Variants in ACAD11 observed in about 807,000 individuals in gnomAD.
ACAD11 encodes acyl-CoA dehydrogenase family member 11.
A neutral mutation model predicts 102.2 loss-of-function variants in ACAD11; 83 were observed. That is an observed-to-expected ratio of 0.81 (90% CI 0.68 to 0.97). The LOEUF is 0.97. Ranked by LOEUF, ACAD11 falls within the 50% of genes least tolerant of loss-of-function variation. The pLI is 0.00. For missense variants in ACAD11, 901 were observed against 951.7 expected (o/e 0.95, Z 0.70); for synonymous variants, 324 against 319.8 (o/e 1.01, Z -0.14).
intron 4 of ACAD11, among the ~76,000 whole-genome samples, chr3:132,641,674 G>GGGGGAA (rs1559973982): frequency 9.7e-5 from 11 of 113,090 alleles, no homozygotes; most frequent in East Asian, 8.5e-4. Context: ...AGGAAGAAGA[G>GGGGGAA]GAAGAGGAAG....
chr3:132,648,005 T>A (rs1940778474), intron 1 of ACAD11, among the ~76,000 whole-genome samples: 2 of 152,162 alleles, frequency 1.3e-5, no homozygotes, highest in South Asian at 4.2e-4. Flanking sequence ...GATCTAATCA[T>A]CTCCCAAAGA....
chr3:132,562,278 AT>A (rs1937083642), intron 17 of ACAD11, among the ~76,000 whole-genome samples: 1 of 151,688 alleles, frequency 6.6e-6, no homozygotes, highest in South Asian at 2.1e-4. Flanking sequence ...TAATTTTTGT[AT>A]TTTTTAGTAG....
At chr3:132,567,431 A>G (rs1030688010) in intron 17 of ACAD11, among the ~76,000 whole-genome samples, 2 of 152,320 alleles carry the variant, frequency 1.3e-5, no homozygotes, top group Admixed American at 6.5e-5. Flanking sequence ...ACATGTATAT[A>G]TAATACCTAG....
In ACAD11 at chr3:132,575,866, C is replaced by T; in HGVS notation, c.1907G>A (p.Cys636Tyr). Residue 636 changes from cysteine (C) to tyrosine (Y), a missense_variant, in exon 17 of 20, where the codon TGT becomes TAT. Physicochemically the swap from Cys to Tyr is radical, Grantham distance 194. Coordinates refer to ENST00000264990, the MANE Select transcript of ACAD11 (RefSeq NM_032169.5). ...TTCCGCCAAACCTACTGTTCTCATA[C>T]AGTGGTGGATTCTGCCAGGTCCAAG... ...GRLGPGRIHH[C>Y]MRTVGLAERA... 2 of 1,614,080 alleles carry T rather than the reference C, an allele frequency of 1.2e-6. No individual in the cohort carries two copies. Among genetic ancestry groups the T allele is most frequent in the Admixed American group, 1.7e-5 (1 of 60,016 alleles).
In ACAD11 at chr3:132,582,258, T is replaced by C. The variant is rs561945948; in HGVS notation, c.1622-2700A>G. Reference sequence around the variant, plus strand: ...AATTGGAGAGCCAATGGATACTGTCTAAAATGAATAAATTAAGAAAGAGAA... The same window carrying C: ...AATTGGAGAGCCAATGGATACTGTCCAAAATGAATAAATTAAGAAAGAGAA... On this transcript the variant is annotated intron_variant, in intron 13 of 19. Transcript: ENST00000264990. Among the ~76,000 whole-genome samples the C allele has an allele frequency of 2.2e-4, 33 of 151,388 alleles. No homozygotes were observed. In the South Asian group the frequency reaches 6.9e-3, roughly 31 times the overall value.
intron 1 of ACAD11, among the ~76,000 whole-genome samples, chr3:132,656,495 A>AT (rs34116314): frequency 0.36 from 51,987 of 145,704 alleles, 11,845 homozygotes; most frequent in East Asian, 0.7. Context: ...ATATTGTCAG[A>AT]TTTTTTTTTT....
In ACAD11 at chr3:132,631,328, T is replaced by C. The variant is rs867550728; in HGVS notation, c.841+13A>G. 3 of 1,397,976 alleles carry C rather than the reference T, an allele frequency of 2.1e-6. No homozygotes were observed. The highest frequency in any genetic ancestry group is 1.9e-6 in the Non-Finnish European group (2 of 1,063,718). 86.6% of individuals were successfully genotyped at this position (1,397,976 alleles called of 1,614,324 possible). A position where few individuals can be genotyped will look rare whatever the true frequency, so the allele number is the denominator to read the frequency against. On this transcript the variant is annotated intron_variant, in intron 6 of 19. Transcript: ENST00000264990. ...ATATTAATAGCAATTTAGACAACAT[T>C]ATGTTTTTATACCTGAGTTTTCACT...
At chr3:132,604,165 A>G (rs756193672) in intron 12 of ACAD11, among the ~76,000 whole-genome samples, 11 of 152,186 alleles carry the variant, frequency 7.2e-5, no homozygotes, top group Non-Finnish European at 1.6e-4. Context: ...GGTTTCAGTT[A>G]TGAGGCCAAC....
At chr3:132,574,975 C>T (rs111656391) in intron 17 of ACAD11, among the ~76,000 whole-genome samples, 230 of 152,222 alleles carry the variant, frequency 1.5e-3, no homozygotes, top group African/African-American at 5.3e-3. Context: ...GCTGGGACTA[C>T]AGGTGCACAT....
intron 1 of ACAD11, chr3:132,654,748 T>A (rs1038413737): frequency 6.6e-6 from 1 of 152,216 alleles, no homozygotes; most frequent in Non-Finnish European, 1.5e-5. Context: ...TTGCTGTGTT[T>A]CCCTTCTCTA....
intron 8 of ACAD11, chr3:132,627,081 A>T: frequency 3.7e-6 from 1 of 268,440 alleles, no homozygotes; most frequent in Non-Finnish European, 7.1e-6. Flanking sequence ...TGTTAGTGAT[A>T]GATGCAGGAG....
intron 13 of ACAD11, among the ~76,000 whole-genome samples, chr3:132,599,438 C>T (rs1223713400): frequency 4.0e-5 from 6 of 151,460 alleles, no homozygotes; most frequent in Admixed American, 1.3e-4. Flanking sequence ...ACCCGGGAGG[C>T]GGAGGTTGCA....
Position 132,642,116 on chromosome 3 carries a change from A to G in ACAD11, c.393T>C (p.Asp131=), listed in dbSNP as rs780267481. The G allele has an allele frequency of 3.7e-6, 6 of 1,613,914 alleles. No homozygotes were observed. In the Admixed American group the frequency reaches 8.3e-5, roughly 22 times the overall value. Residue 131 remains aspartate (D), a synonymous_variant, in exon 4 of 20, where the codon GAT becomes GAC. Transcript: ENST00000264990. The part of the protein sequence containing the change: ...MEHVQGRIFR[D]LTIPGLSPAE... ...CTGGGCTAAGTCCAGGAATTGTTAA[A>G]TCACGGAAGATTCGACCCTATGGAA...
At chr3:132,573,127 T>C (rs1302770009) in intron 17 of ACAD11, among the ~76,000 whole-genome samples, 3 of 152,140 alleles carry the variant, frequency 2.0e-5, no homozygotes, top group Admixed American at 1.3e-4. Context: ...CCCCTCCCCA[T>C]GTCCATGTGT....
chr3:132,568,801 CAAAAAAAAAAAAAAAAA>C (rs755568917), intron 17 of ACAD11, among the ~76,000 whole-genome samples: 1 of 68,674 alleles, frequency 1.5e-5, no homozygotes, highest in Non-Finnish European at 3.2e-5. Context: ...CATCCACAGG[CAAAAAAAAAAAAAAAAA>C]AAAAAAAAAG....
rs140712582 is a variant in ACAD11, at chr3:132,559,005, C to T, written c.2309G>A (p.Arg770Gln). 7.6e-5 allele frequency: 123 copies of T among 1,613,646 alleles called. 3 individuals are homozygous for T. The highest frequency in any genetic ancestry group is 3.3e-5 in the Non-Finnish European group (39 of 1,179,758). The change falls in exon 20 of 20, where the codon CGG becomes CAG. Residue 770 changes from arginine to glutamine, a missense_variant. By Grantham distance (43) the Arg-to-Gln change is conservative. Coordinates refer to ENST00000264990, the MANE Select transcript of ACAD11 (RefSeq NM_032169.5). ...GGCTGTCAGTCTTTTGGCTTGGTCC[C>T]GCAGCTCCATTGTTGCGATTGCTGA... is the stretch of plus-strand genomic sequence containing the variant. ...HLSAIATMEL[R>Q]DQAKRLTAKI
intron 13 of ACAD11, among the ~76,000 whole-genome samples, chr3:132,584,165 A>G (rs1408252276): frequency 6.6e-6 from 1 of 152,154 alleles, no homozygotes. Context: ...GGGGTGTTAA[A>G]GTCTCCCATT....
intron 19 of ACAD11, 28 bp from the exon 20 acceptor site, chr3:132,559,113 C>T: frequency 6.7e-7 from 1 of 1,498,648 alleles, no homozygotes; most frequent in South Asian, 1.1e-5. Context: ...TCAGGGAACA[C>T]AGGGAGTTAT....
chr3:132,646,185 C>T (rs1475071084), intron 1 of ACAD11, among the ~76,000 whole-genome samples: 4 of 152,172 alleles, frequency 2.6e-5, no homozygotes, highest in African/African-American at 9.7e-5. Flanking sequence ...ACCGTGGTCT[C>T]GATCTCTTGA....
Sources: allele counts gnomAD v4.1 joint callset (sites outside exome capture counted in the v4.1 genomes callset), GRCh38; gene constraint gnomAD v4.1.1; transcripts MANE v1.5; gene names NCBI Gene and HGNC (gene_info 2026-07-23, HGNC 2026-07-21).